DLGAP5: variants seen among roughly 807,000 people sequenced by gnomAD.
DLGAP5 encodes the protein disks large-associated protein 5.
A neutral mutation model predicts 99.6 loss-of-function variants in DLGAP5; 90 were observed. The ratio of observed to expected loss-of-function variants is 0.90; its 90% CI spans 0.76 to 1.08. The LOEUF is 1.08. Among genes scored for constraint, DLGAP5 ranks in the 50% least tolerant of loss-of-function variants. The pLI, the probability that DLGAP5 is intolerant of heterozygous loss-of-function variation, is 0.00. For missense variants in DLGAP5, 1,036 were observed against 983.5 expected, an observed-to-expected ratio of 1.05 and a Z score of -0.71; for synonymous variants, 311 against 321.3, an observed-to-expected ratio of 0.97 and a Z score of 0.34.
At chr14:55,183,982 A>G (rs1041047553) in intron 2 of DLGAP5, among the ~76,000 whole-genome samples, 3 of 152,098 alleles carry the variant, frequency 2.0e-5, no homozygotes, top group African/African-American at 7.2e-5. Flanking sequence ...GTGAAATCCC[A>G]TCTCTACTAA....
At position 55,177,306 on chromosome 14, in the gene DLGAP5, T is replaced by C. The variant is rs753761429; in HGVS notation, c.805A>G (p.Asn269Asp). The C allele has an allele frequency of 6.2e-6, 10 of 1,606,434 alleles. No individual in the cohort carries two copies. Residue 269 changes from asparagine to aspartate, a missense_variant, in exon 8 of 19, where the codon AAT (asparagine) becomes GAT (aspartate). Coordinates refer to ENST00000247191, the MANE Select transcript of DLGAP5 (RefSeq NM_014750.5). Reference sequence around the variant, plus strand: ...GCATTAGTTTGTGAATTCAAAGTATTTTCTTCACTATCGACTTTACAAGAA... The same window carrying C: ...GCATTAGTTTGTGAATTCAAAGTATCTTCTTCACTATCGACTTTACAAGAA... ...GISCKVDSEE[N>D]TLNSQTNATS...
At position 55,148,336 on chromosome 14, in the gene DLGAP5, GATTTATTTTT is replaced by G. The variant is rs774162366; in HGVS notation, c.*5_*14del. On this transcript the variant is annotated 3_prime_UTR_variant, in exon 19 of 19. Coordinates refer to ENST00000247191, the MANE Select transcript of DLGAP5 (RefSeq NM_014750.5). Reference sequence around the variant, plus strand: ...TTGATAATATGAAGGAAAATGTTTGGATTTATTTTTAAATTCAAAATTCTCCTGGTTGTAG... The same window carrying G: ...TTGATAATATGAAGGAAAATGTTTGGAAATTCAAAATTCTCCTGGTTGTAG... The G allele has an allele frequency of 6.2e-7, 1 of 1,611,308 alleles. No individual in the cohort carries two copies. Among genetic ancestry groups the G allele is most frequent in the African/African-American group, 1.3e-5 (1 of 74,782 alleles).
At chr14:55,168,558 A>C (rs1168161717) in intron 12 of DLGAP5, among the ~76,000 whole-genome samples, 1 of 148,726 alleles carries the variant, frequency 6.7e-6, no homozygotes, top group Non-Finnish European at 1.5e-5. Context: ...ATAAGTTCAA[A>C]ACGCTAGAGT....
intron 13 of DLGAP5, among the ~76,000 whole-genome samples, chr14:55,161,873 T>TC (rs1367891582): frequency 6.3e-5 from 1 of 15,918 alleles, no homozygotes; most frequent in African/African-American, 2.0e-4. Flanking sequence ...AAACTCTGTC[T>TC]CAAAAAAAAA....
rs767935221 is a variant in DLGAP5, at chr14:55,175,521, T to C, written c.1175-49A>G. 3 of 1,062,602 alleles carry C rather than the reference T, an allele frequency of 2.8e-6. No homozygotes were observed. In the East Asian group the frequency reaches 8.3e-5, roughly 29 times the overall value. The allele number at this position is 1,062,602 out of a possible 1,614,324, so 65.8% of individuals were successfully genotyped here. The stretch of plus-strand genomic sequence containing the variant: ...ATATAAATTTCAAAGCAACAATTCC[T>C]AAAATGACAGCCCCTAAAAAGACAT... On this transcript the variant is annotated intron_variant, in intron 9 of 18. Transcript: ENST00000247191.
chr14:55,167,348 AT>A (rs1882681208), intron 12 of DLGAP5, among the ~76,000 whole-genome samples: 1 of 152,178 alleles, frequency 6.6e-6, no homozygotes, highest in Non-Finnish European at 1.5e-5. Flanking sequence ...GAATCTAACA[AT>A]CAGAATTGAA....
intron 12 of DLGAP5, among the ~76,000 whole-genome samples, chr14:55,164,878 T>C (rs984378640): frequency 2.7e-5 from 4 of 145,460 alleles, no homozygotes; most frequent in African/African-American, 1.0e-4. Context: ...GCCGAGATCA[T>C]GCCACTGCAC....
chr14:55,169,579 T>G lies in DLGAP5; in HGVS notation c.1388-20A>C. 1 of 1,564,044 alleles carries G rather than the reference T, an allele frequency of 6.4e-7. No homozygotes were observed. The highest frequency in any genetic ancestry group is 2.3e-5 in the East Asian group (1 of 43,964). On this transcript the variant is annotated intron_variant, in intron 11 of 18. Transcript: ENST00000247191. Reference sequence around the variant, plus strand: ...CTTTAGCTGAAGGAAATAAGAGATTTTTTAAAATTAAAGGACAAAACGGGA... The same window carrying G: ...CTTTAGCTGAAGGAAATAAGAGATTGTTTAAAATTAAAGGACAAAACGGGA...
chr14:55,179,270 A>C (rs1883194534), intron 7 of DLGAP5, among the ~76,000 whole-genome samples: 1 of 152,166 alleles, frequency 6.6e-6, no homozygotes, highest in Non-Finnish European at 1.5e-5. Context: ...TATGCAACTA[A>C]TTGGAAGCAG....
At chr14:55,169,066 C>T (rs2140316629) in intron 12 of DLGAP5, among the ~76,000 whole-genome samples, 1 of 151,036 alleles carries the variant, frequency 6.6e-6, no homozygotes, top group South Asian at 2.1e-4. Flanking sequence ...GTCCCAGCTA[C>T]TCGGGAGGCT....
chr14:55,153,901 C>CA (rs1882110069), intron 15 of DLGAP5, among the ~76,000 whole-genome samples: 1 of 151,440 alleles, frequency 6.6e-6, no homozygotes, highest in African/African-American at 2.4e-5. Context: ...ACTAAAAATA[C>CA]AAAAATTAGC....
At chr14:55,152,428 G>A (rs1043590047) in intron 16 of DLGAP5, among the ~76,000 whole-genome samples, 162 bp downstream of exon 16, 5 of 152,118 alleles carry the variant, frequency 3.3e-5, no homozygotes, top group African/African-American at 1.2e-4. Flanking sequence ...ATGACACTAT[G>A]GTTTTAAACA....
rs780198207 is a variant in DLGAP5, at chr14:55,158,679, C to G, written c.1716G>C (p.Ala572=). The change falls in exon 14 of 19, where the codon GCG becomes GCC. Residue 572 remains alanine (A), a synonymous_variant. Coordinates refer to ENST00000247191, the MANE Select transcript of DLGAP5 (RefSeq NM_014750.5). ...PKQDDAGRIA[A]RNRLAAIKNA... Reference sequence around the variant, plus strand: ...TTTTTATGGCAGCTAGGCGATTTCTCGCTGCAATTCTTCCAGCATCATCCT... The same window carrying G: ...TTTTTATGGCAGCTAGGCGATTTCTGGCTGCAATTCTTCCAGCATCATCCT... The G allele has an allele frequency of 6.2e-7, 1 of 1,614,060 alleles. No individual in the cohort carries two copies. Among genetic ancestry groups the G allele is most frequent in the East Asian group, 2.2e-5 (1 of 44,872 alleles).
rs150433195 is a variant in DLGAP5, at chr14:55,187,937, A to G, written c.238+1005T>C. Among the ~76,000 whole-genome samples, 347 of 152,270 alleles carry G rather than the reference A, an allele frequency of 2.3e-3. 1 individual carries two copies. The highest frequency in any genetic ancestry group is 8.2e-3 in the African/African-American group (339 of 41,552). ...CTCATTCTTTTCTACCCAGTTACCT[A>G]CTTGCATTCACTAAAACATATCAGG... On this transcript the variant is annotated intron_variant, in intron 2 of 18. Coordinates refer to ENST00000247191, the MANE Select transcript of DLGAP5 (RefSeq NM_014750.5).
At chr14:55,172,809 C>T (rs146025421) in intron 10 of DLGAP5, among the ~76,000 whole-genome samples, 4,017 of 151,580 alleles carry the variant, frequency 0.027, 170 homozygotes, top group African/African-American at 0.093. Flanking sequence ...TGGTGAAACC[C>T]CGTCTCTACT....
intron 13 of DLGAP5, among the ~76,000 whole-genome samples, chr14:55,161,020 A>G (rs1165807765): frequency 2.0e-5 from 3 of 152,134 alleles, no homozygotes; most frequent in African/African-American, 7.2e-5. Flanking sequence ...AAACATGTTT[A>G]AAGACTGATG....
At chr14:55,174,376 C>T (rs1449551491) in intron 10 of DLGAP5, among the ~76,000 whole-genome samples, 1 of 152,168 alleles carries the variant, frequency 6.6e-6, no homozygotes, top group Non-Finnish European at 1.5e-5. Context: ...TTTAATTTCG[C>T]CCTGGTCCCG....
chr14:55,184,047 G>A (rs1489122880), intron 2 of DLGAP5, among the ~76,000 whole-genome samples: 1 of 152,086 alleles, frequency 6.6e-6, no homozygotes, highest in African/African-American at 2.4e-5. Context: ...CAGCTATTCG[G>A]GAGGTTGAGG....
intron 2 of DLGAP5, among the ~76,000 whole-genome samples, chr14:55,187,969 C>T (rs548064088): frequency 3.7e-4 from 57 of 152,274 alleles, no homozygotes; most frequent in Middle Eastern, 3.4e-3. Context: ...CAGGCACACT[C>T]CTACCTCTAA....
Sources: allele counts gnomAD v4.1 joint callset (sites outside exome capture counted in the v4.1 genomes callset), GRCh38; gene constraint gnomAD v4.1.1; transcripts MANE v1.5; gene names NCBI Gene and HGNC (gene_info 2026-07-23, HGNC 2026-07-21).